The following SFT2D2 variants were observed in gnomAD, a reference collection of about 807,000 sequenced individuals.
SFT2D2 encodes the protein SFT2 domain containing 2.
In SFT2D2, 21 loss-of-function variants were observed where a neutral mutation model predicts 27.4. That is an observed-to-expected ratio of 0.77 (90% confidence interval 0.54 to 1.10). SFT2D2 has a LOEUF of 1.10. Among genes scored for constraint, SFT2D2 ranks in the 50% least tolerant of loss-of-function variants. The pLI, the probability that SFT2D2 is intolerant of heterozygous loss-of-function variation, is 0.00. For missense variants in SFT2D2, 187 were observed against 194.2 expected (o/e 0.96, Z 0.22); for synonymous variants, 72 against 71.7 (o/e 1.00, Z -0.02).
chr1:168,245,704 G>T lies in SFT2D2; in HGVS notation c.*3164G>T, dbSNP rs112652114. 0.014 allele frequency: 2,143 copies of T among 152,282 alleles called. 50 individuals are homozygous for T. The highest frequency in any genetic ancestry group is 0.05 in the African/African-American group (2,065 of 41,454). 9.4% of individuals were successfully genotyped at this position (152,282 alleles called of 1,614,324 possible). ...TCATGGACCTGTCCATGGCCTGTAG[G>T]TTGGGAACCTCTGCTACAGAGGATC... On this transcript the variant is annotated 3_prime_UTR_variant, in exon 8 of 8. Transcript: ENST00000271375.
intron 1 of SFT2D2, among the ~76,000 whole-genome samples, chr1:168,228,166 C>G (rs1030770599): frequency 1.3e-5 from 2 of 152,076 alleles, no homozygotes; most frequent in Non-Finnish European, 2.9e-5. Flanking sequence ...GTTTTGTTGC[C>G]GACTAACTTC....
At position 168,246,762 on chromosome 1, in the gene SFT2D2, A is replaced by G. The variant is rs1267128471; in HGVS notation, c.*4222A>G. Reference sequence around the variant, plus strand: ...TTCCTTCTCCAGTTTAGAACGGAGCATTGTGTTCTCATCTGTCAGAGCAGT... The same window carrying G: ...TTCCTTCTCCAGTTTAGAACGGAGCGTTGTGTTCTCATCTGTCAGAGCAGT... On this transcript the variant is annotated 3_prime_UTR_variant, in exon 8 of 8. Coordinates refer to ENST00000271375, the MANE Select transcript of SFT2D2 (RefSeq NM_199344.3). 2.7e-6 allele frequency: 2 copies of G among 752,310 alleles called. No homozygotes were observed. The highest frequency in any genetic ancestry group is 3.3e-5 in the East Asian group (1 of 30,458). 46.6% of individuals were successfully genotyped at this position (752,310 alleles called of 1,614,324 possible). A position where few individuals can be genotyped will look rare whatever the true frequency, so the allele number is the denominator to read the frequency against.
chr1:168,226,189 C>G (rs112909527), intron 1 of SFT2D2, 47 bp downstream of exon 1: 1 of 1,500,332 alleles, frequency 6.7e-7, no homozygotes, highest in Non-Finnish European at 8.9e-7. Context: ...CGCTCCCGCC[C>G]TGCGTCCCCT....
chr1:168,237,481 T>C (rs1274064012), intron 6 of SFT2D2, among the ~76,000 whole-genome samples: 7 of 152,196 alleles, frequency 4.6e-5, no homozygotes, highest in Non-Finnish European at 1.0e-4. Context: ...GGTGGCATAG[T>C]TGGAATCTGT....
chr1:168,230,556 C>T (rs1348822652), intron 1 of SFT2D2, among the ~76,000 whole-genome samples: 2 of 152,136 alleles, frequency 1.3e-5, no homozygotes, highest in Non-Finnish European at 2.9e-5. Flanking sequence ...TCACTGCAAC[C>T]TCCACCTCCC....
chr1:168,242,420 A>C (rs1647674608), intron 7 of SFT2D2, 81 bp from the exon 8 acceptor site: 1 of 1,501,706 alleles, frequency 6.7e-7, no homozygotes, highest in African/African-American at 1.4e-5. Flanking sequence ...TCTACTCTGC[A>C]GCTTCCACTC....
In SFT2D2 at chr1:168,247,855, T is replaced by G. The variant is rs1647861418; in HGVS notation, c.*5315T>G. On this transcript the variant is annotated 3_prime_UTR_variant, in exon 8 of 8. Coordinates refer to ENST00000271375, the MANE Select transcript of SFT2D2 (RefSeq NM_199344.3). The stretch of plus-strand genomic sequence containing the variant: ...GCATCTGTGGCCACCATGCCACTTT[T>G]TAATGATTGCCATTCTAACTGGCAT... 1 of 152,252 alleles carries G rather than the reference T, an allele frequency of 6.6e-6. No homozygotes were observed. Among genetic ancestry groups the G allele is most frequent in the South Asian group, 2.1e-4 (1 of 4,832 alleles). 9.4% of individuals were successfully genotyped at this position (152,252 alleles called of 1,614,324 possible). A position where few individuals can be genotyped will look rare whatever the true frequency, so the allele number is the denominator to read the frequency against.
intron 6 of SFT2D2, among the ~76,000 whole-genome samples, chr1:168,238,721 T>TA (rs1300325326): frequency 6.6e-6 from 1 of 151,410 alleles, no homozygotes; most frequent in African/African-American, 2.4e-5. Context: ...AATAAATAAA[T>TA]AAAGGAGGGG....
chr1:168,249,171 AG>A lies in SFT2D2; in HGVS notation c.*6634del. On this transcript the variant is annotated 3_prime_UTR_variant, in exon 8 of 8. Coordinates refer to ENST00000271375, the MANE Select transcript of SFT2D2 (RefSeq NM_199344.3). Reference sequence around the variant, plus strand: ...CTCTAGGTCTTTTAATTGTGATGTTAGGGTGTTGATTTTAGATCTTTCCTGC... The same window carrying A: ...CTCTAGGTCTTTTAATTGTGATGTTAGGTGTTGATTTTAGATCTTTCCTGC... 6.6e-6 allele frequency: 1 copy of A among 151,916 alleles called. No homozygotes were observed. Among genetic ancestry groups the A allele is most frequent in the Non-Finnish European group, 1.5e-5 (1 of 67,986 alleles). 9.4% of individuals were successfully genotyped at this position (151,916 alleles called of 1,614,324 possible).
chr1:168,242,544 A>G lies in SFT2D2; in HGVS notation c.*4A>G, dbSNP rs185876328. 1.2e-6 allele frequency: 2 copies of G among 1,613,984 alleles called. No homozygotes were observed. Among genetic ancestry groups the G allele is most frequent in the Admixed American group, 3.3e-5 (2 of 59,998 alleles). ...TTTTGCCGTGTGTCTTGCATAATTCATGGCCAGTTTTATGAAGCTTTGGAA... is the reference window on the plus strand; with the variant it reads ...TTTTGCCGTGTGTCTTGCATAATTCGTGGCCAGTTTTATGAAGCTTTGGAA... On this transcript the variant is annotated 3_prime_UTR_variant, in exon 8 of 8. Transcript: ENST00000271375.
Position 168,235,158 on chromosome 1 carries a change from T to C in SFT2D2, c.294T>C (p.Arg98=), listed in dbSNP as rs1429178585. 1.2e-6 allele frequency: 2 copies of C among 1,614,194 alleles called. No individual in the cohort carries two copies. The highest frequency in any genetic ancestry group is 1.7e-6 in the Non-Finnish European group (2 of 1,180,022). The change falls in exon 4 of 8, where the codon CGT becomes CGC. Residue 98 remains arginine, a synonymous_variant. Transcript: ENST00000271375. ...KQLKRMFEPT[R]LIATIMVLLC... is the part of the protein sequence containing the mutation. The stretch of plus-strand genomic sequence containing the variant: ...TGAAGCGAATGTTTGAGCCTACTCG[T>C]TTGATTGCAACTATCATGGTGCTGG...
chr1:168,230,001 C>T (rs1558174774), intron 1 of SFT2D2, among the ~76,000 whole-genome samples: 1 of 152,224 alleles, frequency 6.6e-6, no homozygotes, highest in Non-Finnish European at 1.5e-5. Context: ...TTTGTGCCTT[C>T]TGTGCAGGGT....
At chr1:168,233,242 G>T (rs370846194) in intron 3 of SFT2D2, among the ~76,000 whole-genome samples, 1 of 152,104 alleles carries the variant, frequency 6.6e-6, no homozygotes, top group Admixed American at 6.5e-5. Flanking sequence ...TACCTCCCCT[G>T]GTTTGGTAGA....
At chr1:168,241,205 C>CTT (rs11387591) in intron 7 of SFT2D2, among the ~76,000 whole-genome samples, 2,187 of 100,102 alleles carry the variant, frequency 0.022, 136 homozygotes, top group African/African-American at 0.028. Context: ...CCCTTCTATT[C>CTT]TTTTTTTTTT....
chr1:168,248,353 TTC>T lies in SFT2D2; in HGVS notation c.*5817_*5818del, dbSNP rs1288453272. The T allele has an allele frequency of 2.6e-5, 4 of 152,242 alleles. No individual in the cohort carries two copies. Among genetic ancestry groups the T allele is most frequent in the African/African-American group, 9.6e-5 (4 of 41,460 alleles). The allele number at this position is 152,242 out of a possible 1,614,324, so 9.4% of individuals were successfully genotyped here. ...TCCTAATTGAATACCCTTTATTTCT[TTC>T]TCTTGCCTGATTGCCCTGGCCAGAA... On this transcript the variant is annotated 3_prime_UTR_variant, in exon 8 of 8. Coordinates refer to ENST00000271375, the MANE Select transcript of SFT2D2 (RefSeq NM_199344.3).
At chr1:168,235,871 A>C (rs151336203) in intron 4 of SFT2D2, among the ~76,000 whole-genome samples, 1 of 152,226 alleles carries the variant, frequency 6.6e-6, no homozygotes, top group African/African-American at 2.4e-5. Flanking sequence ...AGTTTCATTT[A>C]TATAATCTCA....
At position 168,248,472 on chromosome 1, in the gene SFT2D2, C is replaced by A. The variant is rs1053441118; in HGVS notation, c.*5932C>A. 2 of 152,272 alleles carry A rather than the reference C, an allele frequency of 1.3e-5. No individual in the cohort carries two copies. Among genetic ancestry groups the A allele is most frequent in the Non-Finnish European group, 2.9e-5 (2 of 68,120 alleles). The allele number at this position is 152,272 out of a possible 1,614,324, so 9.4% of individuals were successfully genotyped here. On this transcript the variant is annotated 3_prime_UTR_variant, in exon 8 of 8. Transcript: ENST00000271375. ...GGAATGCCTCTAGTTTTTGCCCATT[C>A]AGTATGATATTGGCTGTGGGTTTGT...
At position 168,246,777 on chromosome 1, in the gene SFT2D2, G is replaced by T; in HGVS notation, c.*4237G>T. On this transcript the variant is annotated 3_prime_UTR_variant, in exon 8 of 8. Transcript: ENST00000271375. ...AGAACGGAGCATTGTGTTCTCATCT[G>T]TCAGAGCAGTAAGCTGTCCACTATA... 1 of 717,120 alleles carries T rather than the reference G, an allele frequency of 1.4e-6. No homozygotes were observed. Among genetic ancestry groups the T allele is most frequent in the Non-Finnish European group, 2.4e-6 (1 of 411,728 alleles). 44.4% of individuals were successfully genotyped at this position (717,120 alleles called of 1,614,324 possible). A position where few individuals can be genotyped will look rare whatever the true frequency, so the allele number is the denominator to read the frequency against.
rs1572459286 is a variant in SFT2D2 at position 168,249,006 on chromosome 1, T to A, written c.*6466T>A. 1 of 152,186 alleles carries A rather than the reference T, an allele frequency of 6.6e-6. No homozygotes were observed. The highest frequency in any genetic ancestry group is 2.4e-5 in the African/African-American group (1 of 41,446). 9.4% of individuals were successfully genotyped at this position (152,186 alleles called of 1,614,324 possible). A position where few individuals can be genotyped will look rare whatever the true frequency, so the allele number is the denominator to read the frequency against. On this transcript the variant is annotated 3_prime_UTR_variant, in exon 8 of 8. Transcript: ENST00000271375. ...TCTTCTTTATTAGTCTGGCTAGCAG[T>A]CTATCTATTTTGTTGATCTTTTCAA...
Sources: allele counts gnomAD v4.1 joint callset (sites outside exome capture counted in the v4.1 genomes callset), GRCh38; gene constraint gnomAD v4.1.1; transcripts MANE v1.5; gene names NCBI Gene and HGNC (gene_info 2026-07-23, HGNC 2026-07-21).